Variants in CYP4F3 observed in about 807,000 individuals in gnomAD.
The protein encoded by CYP4F3 is cytochrome P450 4F3.
CYP4F3 carries 50 observed loss-of-function variants against 54.8 expected under a neutral mutation model. That is an observed-to-expected ratio of 0.91 (90% CI 0.73 to 1.16). CYP4F3 has a LOEUF of 1.16. Among genes scored for constraint, CYP4F3 ranks in the 50% most tolerant of loss-of-function variants. The probability of loss-of-function intolerance (pLI) is 0.00; values close to 1 mark genes in which losing one functional copy is unlikely to be tolerated. For synonymous variants in CYP4F3, 244 were observed against 262.6 expected (o/e 0.93, Z 0.69); for missense variants, 715 against 676.2 (o/e 1.06, Z -0.64).
rs187202998 is a variant in CYP4F3, at chr19:15,659,718, A to G, written c.*333A>G. 7.4e-4 allele frequency: 216 copies of G among 290,922 alleles called. No homozygotes were observed. The highest frequency in any genetic ancestry group is 4.3e-3 in the African/African-American group (196 of 45,560). 18.0% of individuals were successfully genotyped at this position (290,922 alleles called of 1,614,324 possible). On this transcript the variant is annotated 3_prime_UTR_variant, in exon 13 of 13. Transcript: ENST00000221307. ...CCCACTACACTGTGGATGAACCTTG[A>G]ATGCATGATACTGAATGAAAGACAT...
chr19:15,650,809 T>C (rs1326872299), intron 7 of CYP4F3, among the ~76,000 whole-genome samples: 1 of 7,688 alleles, frequency 1.3e-4, no homozygotes, highest in South Asian at 4.9e-3. Flanking sequence ...CTCTCTCTTC[T>C]CTTTCTTTCT....
rs1448033344 is a variant in CYP4F3, at chr19:15,658,268, G to A, written c.1120G>A (p.Asp374Asn). Residue 374 changes from aspartate (D) to asparagine (N), a missense_variant, in exon 10 of 13, where the codon GAC becomes AAC. By Grantham distance (23) the Asp-to-Asn change is conservative. Transcript: ENST00000221307. ...GGGGCTGGGGTGTTTCCTTAGGGACGACCTGGCCCAGCTGCCCTTCCTGAC... is the reference window on the plus strand; with the variant it reads ...GGGGCTGGGGTGTTTCCTTAGGGACAACCTGGCCCAGCTGCCCTTCCTGAC... Reference protein sequence around the residue: ...DREPKEIEWDDLAQLPFLTMC... With the variant: ...DREPKEIEWDNLAQLPFLTMC... 11 of 1,613,826 alleles carry A rather than the reference G, an allele frequency of 6.8e-6. No individual in the cohort carries two copies. In the East Asian group the frequency reaches 8.9e-5, roughly 13 times the overall value.
intron 5 of CYP4F3, among the ~76,000 whole-genome samples, chr19:15,648,166 T>C (rs1256093829): frequency 1.3e-5 from 2 of 152,076 alleles, no homozygotes; most frequent in Non-Finnish European, 2.9e-5. Flanking sequence ...GTTAAGCTAG[T>C]TACTGTTTCA....
At chr19:15,658,882 G>C (rs964865319) in intron 12 of CYP4F3, 73 bp downstream of exon 12, 1 of 1,556,508 alleles carries the variant, frequency 6.4e-7, no homozygotes, top group Non-Finnish European at 8.8e-7. Flanking sequence ...GTGGGGAAAA[G>C]GGGGACATTG....
intron 3 of CYP4F3, among the ~76,000 whole-genome samples, chr19:15,646,151 A>T (rs897591309): frequency 3.9e-5 from 6 of 152,206 alleles, no homozygotes; most frequent in Admixed American, 6.5e-5. Context: ...GTTACACCTG[A>T]AATATGTTAT....
rs754878584 is a variant in CYP4F3 at position 15,649,265 on chromosome 19, G to C, written c.631G>C (p.Asp211His). The C allele has an allele frequency of 1.9e-6, 3 of 1,613,192 alleles. No individual in the cohort carries two copies. Among genetic ancestry groups the C allele is most frequent in the Non-Finnish European group, 2.5e-6 (3 of 1,179,444 alleles). The part of the protein sequence containing the change: ...DSLQKCVFSF[D>H]SHCQEKPSEY... The stretch of plus-strand genomic sequence containing the variant: ...TCTGCAGAAATGTGTCTTCAGCTTT[G>C]ACAGCCATTGCCAGGAGTAAGTTCT... Residue 211 changes from aspartate to histidine, a missense_variant, in exon 6 of 13, where the codon GAC (aspartate) becomes CAC (histidine). Physicochemically the swap from Asp to His is moderately conservative, Grantham distance 81. Coordinates refer to ENST00000221307, the MANE Select transcript of CYP4F3 (RefSeq NM_000896.3).
intron 10 of CYP4F3, 43 bp downstream of exon 10, chr19:15,658,440 G>C: frequency 6.2e-7 from 1 of 1,613,702 alleles, no homozygotes; most frequent in Non-Finnish European, 8.5e-7. Flanking sequence ...GTAGGAAGAG[G>C]GGCCCCTCAG....
intron 1 of CYP4F3, 123 bp from the exon 2 acceptor site, chr19:15,641,292 C>G: frequency 7.9e-7 from 1 of 1,269,486 alleles, no homozygotes; most frequent in South Asian, 1.4e-5. Context: ...TTATCCATCC[C>G]TGTTTACTCT....
At chr19:15,655,447 T>A (rs980769713) in intron 9 of CYP4F3, among the ~76,000 whole-genome samples, 2 of 152,190 alleles carry the variant, frequency 1.3e-5, no homozygotes, top group African/African-American at 4.8e-5. Flanking sequence ...CAGACCCATG[T>A]CCCGGAGTAT....
At chr19:15,645,974 G>A in intron 3 of CYP4F3, 111 bp downstream of exon 3, 1 of 1,386,514 alleles carries the variant, frequency 7.2e-7, no homozygotes, top group Non-Finnish European at 9.5e-7. Flanking sequence ...GCAGACAGGA[G>A]GGGCTGTGGT....
chr19:15,645,593 A>G, intron 2 of CYP4F3, 126 bp from the exon 3 acceptor site: 1 of 1,287,746 alleles, frequency 7.8e-7, no homozygotes, highest in East Asian at 2.4e-5. Flanking sequence ...GTGGGGGCTC[A>G]GCACTGAGAG....
Position 15,650,062 on chromosome 19 carries a change from T to C in CYP4F3, c.797T>C (p.Phe266Ser). 1.2e-6 allele frequency: 2 copies of C among 1,614,182 alleles called. No homozygotes were observed. Among genetic ancestry groups the C allele is most frequent in the Non-Finnish European group, 1.7e-6 (2 of 1,180,038 alleles). ...FRRACRLVHD[F>S]TDAVIQERRR... ...AGGGCCTGCCGCCTGGTGCACGACTTCACAGATGCCGTCATCCAGGAGCGG... is the reference window on the plus strand; with the variant it reads ...AGGGCCTGCCGCCTGGTGCACGACTCCACAGATGCCGTCATCCAGGAGCGG... The change falls in exon 7 of 13, where the codon TTC becomes TCC. Residue 266 changes from phenylalanine (F) to serine (S), a missense_variant. Coordinates refer to ENST00000221307, the MANE Select transcript of CYP4F3 (RefSeq NM_000896.3).
chr19:15,658,904 A>G, intron 12 of CYP4F3, 95 bp downstream of exon 12: 6 of 1,479,780 alleles, frequency 4.1e-6, no homozygotes, highest in Non-Finnish European at 5.5e-6. Flanking sequence ...AGACGGTCCG[A>G]GTTCCAGCTC....
intron 9 of CYP4F3, 62 bp from the exon 10 acceptor site, chr19:15,658,202 A>G: frequency 1.3e-6 from 2 of 1,584,028 alleles, no homozygotes; most frequent in Non-Finnish European, 1.7e-6. Flanking sequence ...GCAAACAGAG[A>G]GAAGCTGGAG....
chr19:15,643,818 G>A, intron 2 of CYP4F3: 16 of 1,368,790 alleles, frequency 1.2e-5, no homozygotes, highest in South Asian at 6.8e-5. Flanking sequence ...ACAGACGGAT[G>A]ATCAACTATC....
At chr19:15,643,815 G>T in intron 2 of CYP4F3, 1 of 1,362,976 alleles carries the variant, frequency 7.3e-7, no homozygotes, top group Non-Finnish European at 9.5e-7. Context: ...CTCACAGACG[G>T]ATGATCAACT....
At chr19:15,644,561 G>T (rs545603790) in intron 2 of CYP4F3, among the ~76,000 whole-genome samples, 1 of 151,590 alleles carries the variant, frequency 6.6e-6, no homozygotes, top group South Asian at 2.1e-4. Context: ...CAGGTCTAGC[G>T]TCACCTTGCC....
Position 15,652,710 on chromosome 19 carries a change from G to C in CYP4F3, c.985+75G>C, listed in dbSNP as rs28371484. 24 of 1,610,306 alleles carry C rather than the reference G, an allele frequency of 1.5e-5. 2 individuals carry two copies. In the South Asian group the frequency reaches 2.4e-4, roughly 16 times the overall value. ...CAGGAACAGGGTGGGTGGACCCCTC[G>C]CACTTCCCATCCCCCTTCCCCCATC... On this transcript the variant is annotated intron_variant, in intron 8 of 12. Coordinates refer to ENST00000221307, the MANE Select transcript of CYP4F3 (RefSeq NM_000896.3).
At chr19:15,649,767 C>T (rs10401516) in intron 6 of CYP4F3, 146 bp from the exon 7 acceptor site, 449,799 of 1,172,786 alleles carry the variant, frequency 0.38, 93,194 homozygotes, top group East Asian at 0.67. Flanking sequence ...CGATTTCATG[C>T]TGATCCCCAT....
Sources: gnomAD v4.1 joint callset for allele counts (sites outside exome capture counted in the v4.1 genomes callset) on GRCh38, gnomAD v4.1.1 for gene constraint, MANE v1.5 for transcripts, NCBI Gene and HGNC (gene_info 2026-07-23, HGNC 2026-07-21) for gene names.